Variants in SCFD2 observed in about 807,000 individuals in gnomAD.
SCFD2 encodes the protein sec1 family domain-containing protein 2.
In SCFD2, 54 loss-of-function variants were observed where a neutral mutation model predicts 58.9. The ratio of observed to expected loss-of-function variants is 0.92; its 90% CI spans 0.74 to 1.15. SCFD2 has a LOEUF of 1.15. Among genes scored for constraint, SCFD2 ranks in the 50% most tolerant of loss-of-function variants. The pLI, the probability that SCFD2 is intolerant of heterozygous loss-of-function variation, is 0.00. For missense variants in SCFD2, 805 were observed against 836.6 expected, an observed-to-expected ratio of 0.96 and a Z score of 0.47; for synonymous variants, 321 against 335.9, an observed-to-expected ratio of 0.96 and a Z score of 0.49.
intron 2 of SCFD2, among the ~76,000 whole-genome samples, chr4:53,332,852 T>A (rs551458666): frequency 0.017 from 2,478 of 149,928 alleles, 76 homozygotes; most frequent in African/African-American, 0.058. Flanking sequence ...GAAAACCCCA[T>A]TGTCTCAGCC....
In SCFD2 at chr4:52,975,836, C is replaced by T. The variant is rs192287393; in HGVS notation, c.1562-54966G>A. On this transcript the variant is annotated intron_variant, in intron 5 of 8. Coordinates refer to ENST00000401642, the MANE Select transcript of SCFD2 (RefSeq NM_152540.4). Reference sequence around the variant, plus strand: ...GGCACATATACACCATGGAATATTACGCAGCCATAAAAAAGGATGAGTTCA... The same window carrying T: ...GGCACATATACACCATGGAATATTATGCAGCCATAAAAAAGGATGAGTTCA... 1.8e-3 allele frequency among the ~76,000 whole-genome samples: 269 copies of T among 151,984 alleles called. 2 individuals are homozygous for T. The highest frequency in any genetic ancestry group is 5.1e-3 in the African/African-American group (210 of 41,430).
At chr4:53,292,896 C>T (rs1731890676) in intron 3 of SCFD2, among the ~76,000 whole-genome samples, 1 of 151,892 alleles carries the variant, frequency 6.6e-6, no homozygotes, top group South Asian at 2.1e-4. Context: ...GGAGGGAGAG[C>T]GTTAGGACAA....
At chr4:52,950,169 C>T (rs1456752813) in intron 5 of SCFD2, 2 of 152,198 alleles carry the variant, frequency 1.3e-5, no homozygotes, top group African/African-American at 4.8e-5. Flanking sequence ...GTTTTACATA[C>T]ACGCATAAAA....
At chr4:53,168,366 G>A (rs1727077781) in intron 4 of SCFD2, among the ~76,000 whole-genome samples, 2 of 152,252 alleles carry the variant, frequency 1.3e-5, no homozygotes, top group Middle Eastern at 3.4e-3. Context: ...CCTGATTTAG[G>A]CCTGCAGAAG....
intron 5 of SCFD2, among the ~76,000 whole-genome samples, chr4:53,137,531 C>T (rs796340685): frequency 1.5e-4 from 23 of 152,174 alleles, no homozygotes; most frequent in African/African-American, 5.3e-4. Context: ...ATTGATAGTC[C>T]CAAATTATCA....
chr4:52,931,024 CTTACGCCAGGCT>C (rs1719980472), intron 5 of SCFD2, among the ~76,000 whole-genome samples: 1 of 152,172 alleles, frequency 6.6e-6, no homozygotes, highest in Admixed American at 6.5e-5. Context: ...TATACAGCCA[CTTACGCCAGGCT>C]CAGGTTCACA....
chr4:52,887,593 G>T (rs1394417329), intron 7 of SCFD2, among the ~76,000 whole-genome samples: 2 of 152,184 alleles, frequency 1.3e-5, no homozygotes, highest in Admixed American at 6.5e-5. Context: ...AGCGGGACAG[G>T]GAGGCCCAGC....
In SCFD2 at chr4:53,356,740, TTTTTTTTTTTTG is replaced by T. The variant is rs1367797823; in HGVS notation, c.839-3986_839-3975del. ...ACACCCAACTTGTAGACTTTTTTTTTTTTTTTTTTTTGTTGAGACATAGTCTTGCTCTGTCAC... is the reference window on the plus strand; with the variant it reads ...ACACCCAACTTGTAGACTTTTTTTTTTTGAGACATAGTCTTGCTCTGTCAC... On this transcript the variant is annotated intron_variant, in intron 1 of 8. Coordinates refer to ENST00000401642, the MANE Select transcript of SCFD2 (RefSeq NM_152540.4). 1.6e-4 allele frequency among the ~76,000 whole-genome samples: 24 copies of T among 146,482 alleles called. No homozygotes were observed. The East Asian group carries it at 4.5e-3, about 28-fold the overall frequency.
intron 4 of SCFD2, among the ~76,000 whole-genome samples, chr4:53,229,896 A>G (rs1216248487): frequency 2.0e-5 from 3 of 152,202 alleles, no homozygotes; most frequent in African/African-American, 7.2e-5. Flanking sequence ...AATATCCAGA[A>G]TCTACAATGA....
chr4:53,295,856 A>G (rs1206016917), intron 3 of SCFD2, among the ~76,000 whole-genome samples: 1 of 152,170 alleles, frequency 6.6e-6, no homozygotes, highest in Non-Finnish European at 1.5e-5. Context: ...AGCACTGTTG[A>G]ATTTTGTCAA....
intron 3 of SCFD2, among the ~76,000 whole-genome samples, chr4:53,300,577 C>A (rs963279387): frequency 6.6e-6 from 1 of 152,154 alleles, no homozygotes; most frequent in African/African-American, 2.4e-5. Context: ...AGGAATTGAA[C>A]GCAGCTCTGC....
intron 4 of SCFD2, among the ~76,000 whole-genome samples, chr4:53,249,755 G>T (rs1417803950): frequency 1.3e-5 from 2 of 152,160 alleles, no homozygotes; most frequent in African/African-American, 2.4e-5. Context: ...AATGCTGAGA[G>T]ATTTTGTCAC....
chr4:52,964,932 C>T (rs145217231), intron 5 of SCFD2, among the ~76,000 whole-genome samples: 52 of 151,928 alleles, frequency 3.4e-4, no homozygotes, highest in African/African-American at 1.2e-3. Flanking sequence ...GAAAAAGCCT[C>T]GCAGAAATGA....
chr4:52,966,817 G>GT (rs935016819), intron 5 of SCFD2, among the ~76,000 whole-genome samples: 1 of 151,618 alleles, frequency 6.6e-6, no homozygotes, highest in African/African-American at 2.4e-5. Flanking sequence ...GACTTCCTTT[G>GT]TTTTTAAAAA....
At chr4:53,202,801 G>A (rs1728289961) in intron 4 of SCFD2, among the ~76,000 whole-genome samples, 1 of 152,094 alleles carries the variant, frequency 6.6e-6, no homozygotes. Flanking sequence ...GTGAATGGGA[G>A]TTCACTCATG....
intron 7 of SCFD2, 121 bp from the exon 8 acceptor site, chr4:52,885,987 G>A: frequency 2.4e-6 from 3 of 1,275,044 alleles, no homozygotes; most frequent in Non-Finnish European, 3.3e-6. Flanking sequence ...AGTGGCAGGA[G>A]GCAGACAAAT....
intron 4 of SCFD2, among the ~76,000 whole-genome samples, chr4:53,230,403 A>C (rs936870003): frequency 2.6e-5 from 4 of 152,238 alleles, no homozygotes; most frequent in Non-Finnish European, 5.9e-5. Context: ...CTGGATTAAG[A>C]AAATGTGGCA....
chr4:53,064,163 G>T (rs1723591614), intron 5 of SCFD2, among the ~76,000 whole-genome samples: 1 of 151,938 alleles, frequency 6.6e-6, no homozygotes, highest in African/African-American at 2.4e-5. Context: ...TACATGTGCA[G>T]GTTTGTTACA....
At chr4:52,994,468 G>C (rs1447909108) in intron 5 of SCFD2, among the ~76,000 whole-genome samples, 1 of 152,172 alleles carries the variant, frequency 6.6e-6, no homozygotes, top group African/African-American at 2.4e-5. Context: ...CTGTCAAATA[G>C]AGGGTGGACG....
Sources: gnomAD v4.1 joint callset for allele counts (sites outside exome capture counted in the v4.1 genomes callset) on GRCh38, gnomAD v4.1.1 for gene constraint, MANE v1.5 for transcripts, NCBI Gene and HGNC (gene_info 2026-07-23, HGNC 2026-07-21) for gene names.